INTS6: variants seen among roughly 807,000 people sequenced by gnomAD.
INTS6 encodes the protein integrator complex subunit 6.
In INTS6, 16 loss-of-function variants were observed where a neutral mutation model predicts 104.9. The ratio of observed to expected loss-of-function variants is 0.15; its 90% CI spans 0.10 to 0.23. The LOEUF is 0.23. Among genes scored for constraint, INTS6 ranks in the 10% least tolerant of loss-of-function variants. The probability of loss-of-function intolerance (pLI) is 1.00; values close to 1 mark genes in which losing one functional copy is unlikely to be tolerated. For missense variants in INTS6, 584 were observed against 1,062.8 expected (o/e 0.55, Z 6.26); for synonymous variants, 324 against 358.7 (o/e 0.90, Z 1.09).
At chr13:51,350,884 T>C (rs1375421941), downstream of INTS6, among the ~76,000 whole-genome samples, 1 of 152,174 alleles carries the variant, frequency 6.6e-6, no homozygotes, top group African/African-American at 2.4e-5. Flanking sequence ...AATTATACAA[T>C]TACATATTGT....
At chr13:51,391,122 T>C (rs956283244) in intron 5 of INTS6, among the ~76,000 whole-genome samples, 8 of 152,088 alleles carry the variant, frequency 5.3e-5, no homozygotes, top group African/African-American at 1.2e-4. Flanking sequence ...AAATTCAAAT[T>C]TTTTTCTAAG....
chr13:51,345,538 T>C, the INTS6 span, among the ~76,000 whole-genome samples: 1 of 134,900 alleles, frequency 7.4e-6, no homozygotes, highest in Non-Finnish European at 1.5e-5. Flanking sequence ...GAGGTTGCAG[T>C]GAGCTGAGAC....
Position 51,361,607 on chromosome 13 carries a change from A to G in INTS6, c.*4145T>C, listed in dbSNP as rs1479602950. 8 of 590,418 alleles carry G rather than the reference A, an allele frequency of 1.4e-5. No individual in the cohort carries two copies. The highest frequency in any genetic ancestry group is 2.4e-5 in the Non-Finnish European group (8 of 338,558). The allele number at this position is 590,418 out of a possible 1,614,324, so 36.6% of individuals were successfully genotyped here. On this transcript the variant is annotated 3_prime_UTR_variant, in exon 18 of 18. Transcript: ENST00000311234. ...TTCAATAAGGAATTTATTCCATGGA[A>G]TGTGTTGAAAACAGGAGACAGGATT...
intron 4 of INTS6, among the ~76,000 whole-genome samples, chr13:51,396,089 G>T (rs1437346432): frequency 6.6e-6 from 1 of 152,012 alleles, no homozygotes; most frequent in African/African-American, 2.4e-5. Flanking sequence ...GAGCCACCAT[G>T]CCCGGTCTTA....
chr13:51,389,794 A>T (rs1271456301), intron 5 of INTS6, among the ~76,000 whole-genome samples: 2 of 152,138 alleles, frequency 1.3e-5, no homozygotes, highest in Non-Finnish European at 2.9e-5. Context: ...TCCAACTGTT[A>T]TGCAATACAA....
At chr13:51,404,710 T>C (rs772778799) in intron 4 of INTS6, among the ~76,000 whole-genome samples, 8 of 152,242 alleles carry the variant, frequency 5.3e-5, no homozygotes, top group Non-Finnish European at 8.8e-5. Context: ...TATTATTTCT[T>C]GTAATTTTTA....
At chr13:51,444,834 A>AT (rs1215824349) in intron 3 of INTS6, 2 of 147,886 alleles carry the variant, frequency 1.4e-5, no homozygotes, top group Non-Finnish European at 1.5e-5. Flanking sequence ...TGACTGGAGA[A>AT]TTTTTTCTTT....
rs770734644 is a variant in INTS6 at position 51,378,230 on chromosome 13, G to C, written c.1602+9C>G. 11 of 1,592,602 alleles carry C rather than the reference G, an allele frequency of 6.9e-6. No homozygotes were observed. The African/African-American group carries it at 1.1e-4, about 16-fold the overall frequency. ...ATAACTAGAGTAGCACTAAATTCATGATTATTACCTTATTCAGCAAAGCAA... is the reference window on the plus strand; with the variant it reads ...ATAACTAGAGTAGCACTAAATTCATCATTATTACCTTATTCAGCAAAGCAA... On this transcript the variant is annotated intron_variant, in intron 12 of 17. Coordinates refer to ENST00000311234, the MANE Select transcript of INTS6 (RefSeq NM_012141.3).
At chr13:51,347,419 G>A in the INTS6 span, among the ~76,000 whole-genome samples, 1 of 152,148 alleles carries the variant, frequency 6.6e-6, no homozygotes, top group African/African-American at 2.4e-5. Flanking sequence ...GAGGAGTGTG[G>A]GACAGTGTGC....
chr13:51,450,726 G>C, intron 3 of INTS6: 1 of 1,031,810 alleles, frequency 9.7e-7, no homozygotes. Flanking sequence ...GGTGTGGTAG[G>C]ATGCTTTTCC....
In INTS6 at chr13:51,430,519, A is replaced by C. The variant is rs1957071991; in HGVS notation, c.340-136T>G. 5 of 553,382 alleles carry C rather than the reference A, an allele frequency of 9.0e-6. No individual in the cohort carries two copies. In the South Asian group the frequency reaches 1.2e-4, roughly 13 times the overall value. 34.3% of individuals were successfully genotyped at this position (553,382 alleles called of 1,614,324 possible). On this transcript the variant is annotated intron_variant, in intron 3 of 17. Coordinates refer to ENST00000311234, the MANE Select transcript of INTS6 (RefSeq NM_012141.3). ...ACATGTAGTATGTACCTGTTTGTAC[A>C]TTTTAAGAAAAGATATAGAACGACA...
At position 51,420,774 on chromosome 13, in the gene INTS6, A is replaced by G. The variant is rs12869314; in HGVS notation, c.429+9520T>C. Among the ~76,000 whole-genome samples, 7 of 150,954 alleles carry G rather than the reference A, an allele frequency of 4.6e-5. No individual in the cohort carries two copies. The East Asian group carries it at 1.4e-3, about 29-fold the overall frequency. On this transcript the variant is annotated intron_variant, in intron 4 of 17. Transcript: ENST00000311234. ...GCTAAATTAAAAAAAAAAAAAAAAA[A>G]CTATCCATACTTAACAACCAAGTGC... is the stretch of plus-strand genomic sequence containing the variant.
chr13:51,350,731 C>T (rs756948359), downstream of INTS6, among the ~76,000 whole-genome samples: 4 of 152,110 alleles, frequency 2.6e-5, no homozygotes, highest in African/African-American at 4.8e-5. Context: ...ACCATCACTA[C>T]TAATTCCAGA....
chr13:51,366,482 C>T (rs888575582), intron 17 of INTS6, among the ~76,000 whole-genome samples: 4 of 151,926 alleles, frequency 2.6e-5, no homozygotes, highest in East Asian at 3.8e-4. Flanking sequence ...TAACTGCTGA[C>T]GGTTTTAAGA....
rs569564279 is a variant in INTS6, at chr13:51,390,649, A to G, written c.614-1205T>C. Among the ~76,000 whole-genome samples the G allele has an allele frequency of 2.6e-5, 4 of 152,218 alleles. No homozygotes were observed. The South Asian group carries it at 8.3e-4, about 32-fold the overall frequency. ...TTACATTTGACACATCAAATTACTT[A>G]TATCAACTTACACTTAACGTGATTT... is the stretch of plus-strand genomic sequence containing the variant. On this transcript the variant is annotated intron_variant, in intron 5 of 17. Coordinates refer to ENST00000311234, the MANE Select transcript of INTS6 (RefSeq NM_012141.3).
intron 4 of INTS6, among the ~76,000 whole-genome samples, chr13:51,413,166 T>C (rs1956720750): frequency 2.0e-5 from 3 of 152,162 alleles, no homozygotes; most frequent in Admixed American, 1.3e-4. Flanking sequence ...AACTACTACT[T>C]AATTACACAC....
chr13:51,429,451 G>A (rs539708617), intron 4 of INTS6, among the ~76,000 whole-genome samples: 8 of 152,054 alleles, frequency 5.3e-5, no homozygotes, highest in African/African-American at 1.4e-4. Flanking sequence ...TGTTGCTGTA[G>A]AATAGATAAG....
chr13:51,443,369 A>G (rs567096443), intron 3 of INTS6: 1 of 152,290 alleles, frequency 6.6e-6, no homozygotes, highest in Admixed American at 6.5e-5. Flanking sequence ...AAGAGTGTAT[A>G]TTTTAAAATT....
intron 4 of INTS6, among the ~76,000 whole-genome samples, chr13:51,429,703 G>A (rs1416553159): frequency 7.1e-5 from 10 of 139,900 alleles, no homozygotes; most frequent in Admixed American, 6.1e-4. Context: ...GGTGGAGGCT[G>A]CAGTGAGCCA....
Sources: gnomAD v4.1 joint callset for allele counts (sites outside exome capture counted in the v4.1 genomes callset) on GRCh38, gnomAD v4.1.1 for gene constraint, MANE v1.5 for transcripts, NCBI Gene and HGNC (gene_info 2026-07-23, HGNC 2026-07-21) for gene names.